Variants in NEBL observed in about 807,000 individuals in gnomAD.
NEBL encodes nebulette, also known as LIM and SH3 protein 2.
A neutral mutation model predicts 140.2 loss-of-function variants in NEBL; 122 were observed. That is an observed-to-expected ratio of 0.87 (90% CI 0.75 to 1.01). NEBL has a LOEUF of 1.01. Among genes scored for constraint, NEBL ranks in the 50% least tolerant of loss-of-function variants. The pLI is 0.00. For missense variants in NEBL, 1,365 were observed against 1,231.3 expected (o/e 1.11, Z -1.62); for synonymous variants, 436 against 398.9 (o/e 1.09, Z -1.11).
intron 3 of NEBL, among the ~76,000 whole-genome samples, chr10:20,988,881 C>T (rs114886765): frequency 3.1e-3 from 468 of 152,314 alleles, no homozygotes; most frequent in African/African-American, 0.011. Flanking sequence ...AGAGTTGAAC[C>T]GACCCTTCTT....
chr10:20,945,401 A>G (rs1021216471), intron 4 of NEBL, among the ~76,000 whole-genome samples: 2 of 152,190 alleles, frequency 1.3e-5, no homozygotes, highest in Non-Finnish European at 2.9e-5. Context: ...AGCTCCTAAG[A>G]TAGTGTCAAG....
intron 4 of NEBL, among the ~76,000 whole-genome samples, chr10:20,954,048 G>GA (rs1036700249): frequency 3.5e-5 from 5 of 143,606 alleles, no homozygotes; most frequent in African/African-American, 1.3e-4. Flanking sequence ...AAAAAAGAAA[G>GA]AAAAAACACC....
chr10:21,251,320 T>C (rs1339229295), intron 2 of NEBL, among the ~76,000 whole-genome samples: 1 of 152,224 alleles, frequency 6.6e-6, no homozygotes, highest in African/African-American at 2.4e-5. Flanking sequence ...TCTTGGTAGC[T>C]GTGGCCAGGT....
At chr10:21,146,726 T>C (rs1012616982) in intron 2 of NEBL, among the ~76,000 whole-genome samples, 1 of 151,120 alleles carries the variant, frequency 6.6e-6, no homozygotes. Flanking sequence ...AAAGTAAAAA[T>C]TTTTTTTAAC....
At chr10:21,028,939 C>A in intron 2 of NEBL, 2 of 486,668 alleles carry the variant, frequency 4.1e-6, no homozygotes, top group Non-Finnish European at 7.2e-6. Flanking sequence ...TAAAAAATAG[C>A]TATACTAATA....
chr10:21,226,595 C>A (rs900026222), intron 3 of NEBL, among the ~76,000 whole-genome samples: 1 of 152,176 alleles, frequency 6.6e-6, no homozygotes, highest in Admixed American at 6.5e-5. Flanking sequence ...GGGCTCAATG[C>A]TCCCTCCGTG....
At chr10:21,249,932 T>C (rs1177554237) in intron 2 of NEBL, among the ~76,000 whole-genome samples, 2 of 151,812 alleles carry the variant, frequency 1.3e-5, no homozygotes, top group African/African-American at 4.8e-5. Context: ...GGTGTGGTGG[T>C]ACACACCTGT....
intron 4 of NEBL, among the ~76,000 whole-genome samples, chr10:20,907,995 A>G (rs552762295): frequency 6.6e-6 from 1 of 152,208 alleles, no homozygotes; most frequent in Non-Finnish European, 1.5e-5. Flanking sequence ...GAGGAACTCC[A>G]TATAAAAATG....
At chr10:20,859,927 C>T in intron 7 of NEBL, 101 bp from the exon 8 acceptor site, 1 of 644,182 alleles carries the variant, frequency 1.6e-6, no homozygotes, top group Non-Finnish European at 2.7e-6. Context: ...ATGAATGTTG[C>T]CAAGTGTAAA....
At chr10:20,941,938 AGGAT>A (rs1246617451) in intron 4 of NEBL, among the ~76,000 whole-genome samples, 2 of 151,866 alleles carry the variant, frequency 1.3e-5, no homozygotes, top group Non-Finnish European at 2.9e-5. Context: ...GAAATAAAAG[AGGAT>A]ACAAACAAAT....
intron 16 of NEBL, 40 bp from the exon 17 acceptor site, chr10:20,828,674 G>A: frequency 7.5e-7 from 1 of 1,332,526 alleles, no homozygotes; most frequent in South Asian, 1.2e-5. Context: ...GAAACTATGT[G>A]TGTGCGCACA....
chr10:20,909,873 T>C (rs1466744251), intron 4 of NEBL, among the ~76,000 whole-genome samples: 1 of 152,134 alleles, frequency 6.6e-6, no homozygotes, highest in African/African-American at 2.4e-5. Flanking sequence ...CCAAAGCACA[T>C]ATAGTGATAT....
intron 7 of NEBL, among the ~76,000 whole-genome samples, chr10:20,864,616 C>G (rs1172421263): frequency 6.6e-6 from 1 of 152,192 alleles, no homozygotes; most frequent in Non-Finnish European, 1.5e-5. Context: ...GCTTCTGGTG[C>G]TGTGGTGCTC....
chr10:20,921,192 C>T (rs1833562678), intron 4 of NEBL, among the ~76,000 whole-genome samples: 1 of 152,178 alleles, frequency 6.6e-6, no homozygotes, highest in Admixed American at 6.5e-5. Flanking sequence ...CAGAGTAGTG[C>T]TGATCCATGC....
At chr10:21,212,800 T>C (rs1302746681) in intron 3 of NEBL, among the ~76,000 whole-genome samples, 1 of 152,222 alleles carries the variant, frequency 6.6e-6, no homozygotes, top group Non-Finnish European at 1.5e-5. Context: ...AATAGCTGGC[T>C]TGACTACCGT....
At chr10:21,010,360 T>C (rs1410053422) in intron 3 of NEBL, among the ~76,000 whole-genome samples, 1 of 152,132 alleles carries the variant, frequency 6.6e-6, no homozygotes, top group Middle Eastern at 3.4e-3. Context: ...TCCTCCTACA[T>C]CAGTCTCCTG....
intron 3 of NEBL, among the ~76,000 whole-genome samples, chr10:21,229,851 C>T (rs911641776): frequency 6.6e-6 from 1 of 152,202 alleles, no homozygotes; most frequent in Non-Finnish European, 1.5e-5. Context: ...GTGAACTGAC[C>T]TGGTAAACCT....
chr10:20,946,304 A>G (rs1469754838), intron 4 of NEBL, among the ~76,000 whole-genome samples: 1 of 152,166 alleles, frequency 6.6e-6, no homozygotes, highest in East Asian at 1.9e-4. Flanking sequence ...CACTATGAAA[A>G]TCTATGTTTT....
rs373244101 is a variant in NEBL at position 20,831,200 on chromosome 10, C to G, written c.1667G>C (p.Ser556Thr). The change falls in exon 16 of 28, where the codon AGC becomes ACC. Residue 556 changes from serine (S) to threonine (T), a missense_variant. Physicochemically the swap from Ser to Thr is moderately conservative, Grantham distance 58 (BLOSUM62 1). Transcript: ENST00000377122. ...GCATCTTCATTCATGACCAACCTGG[C>G]TATAGATTTCAGATGTCCTCTTGGC... ...LRAKRTSEIY[S>T]QRKYKDEAEK... is the part of the protein sequence containing the mutation. 8.4e-5 allele frequency: 135 copies of G among 1,608,244 alleles called. No homozygotes were observed. Among genetic ancestry groups the G allele is most frequent in the Non-Finnish European group, 1.0e-4 (123 of 1,175,092 alleles).
Sources: gnomAD v4.1 joint callset for allele counts (sites outside exome capture counted in the v4.1 genomes callset) on GRCh38, gnomAD v4.1.1 for gene constraint, MANE v1.5 for transcripts, NCBI Gene and HGNC (gene_info 2026-07-23, HGNC 2026-07-21) for gene names.